HRH1: variants seen among roughly 807,000 people sequenced by gnomAD.
HRH1 encodes the protein histamine receptor H1.
HRH1 carries 6 observed loss-of-function variants against 10.3 expected under a neutral mutation model. The ratio of observed to expected loss-of-function variants is 0.58; its 90% CI spans 0.32 to 1.15. The LOEUF is 1.15. Among genes scored for constraint, HRH1 ranks in the 50% most tolerant of loss-of-function variants. HRH1 has a pLI of 0.05. For missense variants in HRH1, 514 were observed against 615.3 expected, an observed-to-expected ratio of 0.84 and a Z score of 1.74; for synonymous variants, 242 against 236.7, an observed-to-expected ratio of 1.02 and a Z score of -0.21.
chr3:11,257,138 A>T (rs966373855), intron 1 of HRH1, among the ~76,000 whole-genome samples: 13 of 150,800 alleles, frequency 8.6e-5, no homozygotes, highest in African/African-American at 3.2e-4. Flanking sequence ...CTGTAATTGT[A>T]GCTACTCGGG....
chr3:11,201,983 A>G (rs1169914720), intron 1 of HRH1, among the ~76,000 whole-genome samples: 4 of 152,244 alleles, frequency 2.6e-5, no homozygotes, highest in African/African-American at 9.6e-5. Flanking sequence ...GGCAGGCACC[A>G]GGACTGAAGA....
At chr3:11,188,495 C>CA (rs1191216731) in intron 1 of HRH1, among the ~76,000 whole-genome samples, 1 of 152,146 alleles carries the variant, frequency 6.6e-6, no homozygotes, top group Non-Finnish European at 1.5e-5. Flanking sequence ...GTGGAGGCAG[C>CA]AGTGAGCTGA....
At chr3:11,185,039 A>T (rs1405119866) in intron 1 of HRH1, among the ~76,000 whole-genome samples, 15 of 64,058 alleles carry the variant, frequency 2.3e-4, no homozygotes, top group South Asian at 1.4e-3. Context: ...GTACTAATTT[A>T]AAAAAAAAAA....
At chr3:11,144,428 CA>C (rs1936369373) in intron 1 of HRH1, among the ~76,000 whole-genome samples, 1 of 149,698 alleles carries the variant, frequency 6.7e-6, no homozygotes, top group Non-Finnish European at 1.5e-5. Flanking sequence ...GGTATATATA[CA>C]TATAGACATA....
intron 1 of HRH1, among the ~76,000 whole-genome samples, chr3:11,174,287 T>C (rs1025237037): frequency 6.6e-5 from 10 of 152,330 alleles, no homozygotes; most frequent in Non-Finnish European, 1.2e-4. Context: ...CCAGATTCCA[T>C]GGCTCACCTT....
At chr3:11,172,987 G>A (rs1257752646) in intron 1 of HRH1, among the ~76,000 whole-genome samples, 3 of 152,110 alleles carry the variant, frequency 2.0e-5, no homozygotes, top group African/African-American at 4.8e-5. Context: ...GTGAGCCACC[G>A]CGCCCGGCCA....
chr3:11,181,963 C>T (rs1159373246), intron 1 of HRH1, among the ~76,000 whole-genome samples: 2 of 151,474 alleles, frequency 1.3e-5, no homozygotes, highest in Admixed American at 6.6e-5. Flanking sequence ...TTTGTCTTTC[C>T]ATTGTTCATG....
At chr3:11,238,381 C>T (rs1341185925) in intron 1 of HRH1, among the ~76,000 whole-genome samples, 6 of 152,124 alleles carry the variant, frequency 3.9e-5, no homozygotes, top group Non-Finnish European at 8.8e-5. Context: ...GCAGTTCTTC[C>T]GCTAAGCAAC....
rs1939970390 is a variant in HRH1, at chr3:11,262,038, T to C, written c.*1537T>C. On this transcript the variant is annotated 3_prime_UTR_variant, in exon 2 of 2. Transcript: ENST00000431010. ...TTATCTGTGAGTTCTGTTGTGTTTG[T>C]CAAAAAGTCATTGTAATCTTTCATA... 6.0e-6 allele frequency: 1 copy of C among 167,076 alleles called. No homozygotes were observed. Among genetic ancestry groups the C allele is most frequent in the Non-Finnish European group, 1.5e-5 (1 of 68,122 alleles). 10.3% of individuals were successfully genotyped at this position (167,076 alleles called of 1,614,324 possible).
At chr3:11,247,608 G>A (rs943487802) in intron 1 of HRH1, among the ~76,000 whole-genome samples, 2 of 152,176 alleles carry the variant, frequency 1.3e-5, no homozygotes, top group Admixed American at 6.5e-5. Context: ...GTTGTTTACC[G>A]AACAGGTAGC....
chr3:11,255,868 C>A (rs1939768949), intron 1 of HRH1, among the ~76,000 whole-genome samples: 2 of 152,184 alleles, frequency 1.3e-5, no homozygotes, highest in African/African-American at 2.4e-5. Flanking sequence ...TAAGCAGTTC[C>A]CAACTTGACT....
chr3:11,234,502 G>A (rs1208299182), intron 1 of HRH1: 28 of 1,462,812 alleles, frequency 1.9e-5, no homozygotes, highest in Non-Finnish European at 2.7e-5. Context: ...AGGGGCCGCT[G>A]GCCATTCCCC....
intron 1 of HRH1, among the ~76,000 whole-genome samples, chr3:11,205,546 TG>T (rs1559270477): frequency 6.6e-6 from 1 of 152,114 alleles, no homozygotes; most frequent in Non-Finnish European, 1.5e-5. Context: ...GAATTATGCA[TG>T]GGAAGTACTC....
At chr3:11,178,627 C>T (rs934699685) in intron 1 of HRH1, among the ~76,000 whole-genome samples, 2 of 152,210 alleles carry the variant, frequency 1.3e-5, no homozygotes, top group Non-Finnish European at 2.9e-5. Context: ...CGGCCTTTGA[C>T]AGACGACTGT....
intron 1 of HRH1, among the ~76,000 whole-genome samples, chr3:11,250,586 TG>T (rs1423624735): frequency 6.6e-6 from 1 of 152,148 alleles, no homozygotes; most frequent in African/African-American, 2.4e-5. Flanking sequence ...GTGGAGTTTG[TG>T]CTAGGAGGCC....
intron 1 of HRH1, among the ~76,000 whole-genome samples, chr3:11,217,043 A>C (rs1276875877): frequency 6.6e-6 from 1 of 150,860 alleles, no homozygotes; most frequent in African/African-American, 2.4e-5. Context: ...AAAATTAGCC[A>C]GGCTTGGTGA....
chr3:11,216,471 C>T (rs1938504681), intron 1 of HRH1, among the ~76,000 whole-genome samples: 1 of 152,176 alleles, frequency 6.6e-6, no homozygotes, highest in South Asian at 2.1e-4. Context: ...TGATATGCTA[C>T]AGCGTGGATG....
intron 1 of HRH1, among the ~76,000 whole-genome samples, chr3:11,171,810 A>G (rs1161583999): frequency 1.3e-5 from 2 of 152,218 alleles, no homozygotes; most frequent in African/African-American, 4.8e-5. Flanking sequence ...TTCCTTGGTG[A>G]CATGTGTTCC....
intron 1 of HRH1, among the ~76,000 whole-genome samples, chr3:11,163,559 T>C (rs1371156147): frequency 2.0e-5 from 3 of 152,152 alleles, no homozygotes; most frequent in African/African-American, 7.2e-5. Flanking sequence ...TGCCTCAGCT[T>C]CCTCATCTGT....
Sources: allele counts gnomAD v4.1 joint callset (sites outside exome capture counted in the v4.1 genomes callset), GRCh38; gene constraint gnomAD v4.1.1; transcripts MANE v1.5; gene names NCBI Gene and HGNC (gene_info 2026-07-23, HGNC 2026-07-21).